Variants in VPS37A observed in about 807,000 individuals in gnomAD.
The protein encoded by VPS37A is vacuolar protein sorting-associated protein 37A.
VPS37A carries 30 observed loss-of-function variants against 49.8 expected under a neutral mutation model. The ratio of observed to expected loss-of-function variants is 0.60; its 90% confidence interval spans 0.45 to 0.82. The LOEUF is 0.82. VPS37A is among the 40% of genes least tolerant of loss of function. The pLI is 0.00. For synonymous variants in VPS37A, 195 were observed against 160.6 expected (o/e 1.21, Z -1.62); for missense variants, 593 against 464.4 (o/e 1.28, Z -2.55).
chr8:17,331,166 CA>C, the VPS37A span: 1 of 1,610,970 alleles, frequency 6.2e-7, no homozygotes. Flanking sequence ...GCATTTTCTG[CA>C]GACTGTTCCT....
chr8:17,329,559 T>C, the VPS37A span, among the ~76,000 whole-genome samples: 3 of 152,224 alleles, frequency 2.0e-5, no homozygotes, highest in Admixed American at 6.5e-5. Flanking sequence ...CAAATGTGTA[T>C]GCTATCAGCA....
intron 1 of VPS37A, among the ~76,000 whole-genome samples, chr8:17,248,834 AT>A (rs1417063825): frequency 3.9e-5 from 6 of 152,224 alleles, no homozygotes; most frequent in Admixed American, 6.5e-5. Context: ...ACAGAAAAGA[AT>A]GGCAGGCTGT....
At position 17,295,591 on chromosome 8, in the gene VPS37A, C is replaced by G. The variant is rs192470698; in HGVS notation, c.*605C>G. The stretch of plus-strand genomic sequence containing the variant: ...CTTATATATTGTTTCATTTTTAAAA[C>G]TAAAGATGCATTTAAGAAGCAATAC... On this transcript the variant is annotated 3_prime_UTR_variant, in exon 12 of 12. Coordinates refer to ENST00000324849, the MANE Select transcript of VPS37A (RefSeq NM_152415.3). The G allele has an allele frequency of 3.3e-5, 5 of 152,250 alleles. No homozygotes were observed. Among genetic ancestry groups the G allele is most frequent in the Admixed American group, 1.3e-4 (2 of 15,268 alleles). The allele number at this position is 152,250 out of a possible 1,614,324, so 9.4% of individuals were successfully genotyped here. A position where few individuals can be genotyped will look rare whatever the true frequency, so the allele number is the denominator to read the frequency against.
At chr8:17,294,502 T>C (rs997123209) in intron 11 of VPS37A, among the ~76,000 whole-genome samples, 2 of 152,054 alleles carry the variant, frequency 1.3e-5, no homozygotes, top group African/African-American at 4.8e-5. Flanking sequence ...CGAAAAAAAA[T>C]TCCTGCAGCT....
At position 17,247,007 on chromosome 8, in the gene VPS37A, A is replaced by G; in HGVS notation, c.-238A>G. The G allele has an allele frequency of 1.8e-6, 1 of 556,514 alleles. No individual in the cohort carries two copies. Among genetic ancestry groups the G allele is most frequent in the African/African-American group, 1.9e-5 (1 of 51,714 alleles). The allele number at this position is 556,514 out of a possible 1,614,324, so 34.5% of individuals were successfully genotyped here. Reference sequence around the variant, plus strand: ...GGCCGGTTTGGGCGTCTGGGCCGTGAAGGTGGGACCTCCTGTTCCGGGCCG... The same window carrying G: ...GGCCGGTTTGGGCGTCTGGGCCGTGGAGGTGGGACCTCCTGTTCCGGGCCG... On this transcript the variant is annotated 5_prime_UTR_variant, in exon 1 of 12. Transcript: ENST00000324849.
rs551852499 is a variant in VPS37A at position 17,253,188 on chromosome 8, C to A, written c.125+5819C>A. On this transcript the variant is annotated intron_variant, in intron 1 of 11. Coordinates refer to ENST00000324849, the MANE Select transcript of VPS37A (RefSeq NM_152415.3). The stretch of plus-strand genomic sequence containing the variant: ...AAATCAGCTACATCTGCCCCTCCCC[C>A]CAACCTGAACTCCTTCCAAACCATT... Among the ~76,000 whole-genome samples the A allele has an allele frequency of 4.9e-4, 74 of 152,318 alleles. 1 individual carries two copies. In the South Asian group the frequency reaches 0.013, roughly 26 times the overall value.
At chr8:17,316,602 G>A in the VPS37A span, among the ~76,000 whole-genome samples, 4 of 151,800 alleles carry the variant, frequency 2.6e-5, no homozygotes, top group African/African-American at 7.3e-5. Flanking sequence ...CTGTATTCTC[G>A]GGTTCCACAT....
chr8:17,313,257 C>G, the VPS37A span: 1 of 1,505,998 alleles, frequency 6.6e-7, no homozygotes, highest in Non-Finnish European at 9.2e-7. Context: ...GTTTGCTCAT[C>G]TGTCCCTTAA....
At chr8:17,255,492 A>ATGTGTG (rs138387332) in intron 1 of VPS37A, among the ~76,000 whole-genome samples, 301 of 150,990 alleles carry the variant, frequency 2.0e-3, no homozygotes, top group East Asian at 6.9e-3. Flanking sequence ...AAATATATAT[A>ATGTGTG]TGTGTGTGTG....
chr8:17,330,141 A>T, the VPS37A span, among the ~76,000 whole-genome samples: 1 of 152,244 alleles, frequency 6.6e-6, no homozygotes, highest in Non-Finnish European at 1.5e-5. Flanking sequence ...CCTGTTTGTG[A>T]CACTCAGATT....
chr8:17,265,912 C>A lies in VPS37A; in HGVS notation c.131C>A (p.Ala44Asp), dbSNP rs146772515. 1.4e-5 allele frequency: 23 copies of A among 1,613,256 alleles called. No homozygotes were observed. The highest frequency in any genetic ancestry group is 1.9e-5 in the Non-Finnish European group (22 of 1,179,586). The change falls in exon 2 of 12, where the codon GCC becomes GAC. Residue 44 changes from alanine (A) to aspartate (D), a missense_variant. Physicochemically the swap from Ala to Asp is moderately radical, Grantham distance 126. Coordinates refer to ENST00000324849, the MANE Select transcript of VPS37A (RefSeq NM_152415.3). ...TTTAAAATTTTCTCCTGCAGTATAG[C>A]CGAAATACAGAAAGATGTGGAATAC... ...ESLRNSHSSIAEIQKDVEYRL... is the reference protein window; with the variant it reads ...ESLRNSHSSIDEIQKDVEYRL...
At chr8:17,312,043 A>G in the VPS37A span, among the ~76,000 whole-genome samples, 1 of 152,198 alleles carries the variant, frequency 6.6e-6, no homozygotes, top group African/African-American at 2.4e-5. Flanking sequence ...TTACAGACCT[A>G]TGAAGTTATA....
At chr8:17,268,680 A>G (rs1350107859) in intron 3 of VPS37A, among the ~76,000 whole-genome samples, 176 bp from the exon 4 acceptor site, 1 of 152,184 alleles carries the variant, frequency 6.6e-6, no homozygotes, top group Non-Finnish European at 1.5e-5. Context: ...TAATCACCAG[A>G]TATTTATGGT....
intron 1 of VPS37A, among the ~76,000 whole-genome samples, chr8:17,259,760 G>T (rs927218472): frequency 5.3e-5 from 8 of 152,008 alleles, no homozygotes; most frequent in African/African-American, 1.9e-4. Context: ...CTGGTTTTGG[G>T]TGCATAGATA....
At position 17,276,465 on chromosome 8, in the gene VPS37A, A is replaced by G; in HGVS notation, c.711A>G (p.Leu237=). 6.2e-7 allele frequency: 1 copy of G among 1,608,736 alleles called. No homozygotes were observed. The highest frequency in any genetic ancestry group is 8.5e-7 in the Non-Finnish European group (1 of 1,177,780). The part of the protein sequence containing the change: ...VPDAFPELSE[L]SVSQLTDMNE... The stretch of plus-strand genomic sequence containing the variant: ...ATGCATTTCCAGAACTCTCAGAACT[A>G]AGGTAAACCTGGAAAGTAAAGTTGG... Residue 237 remains leucine, a splice_region_variant and synonymous_variant, in exon 6 of 12, where the codon CTA becomes CTG. Transcript: ENST00000324849.
At chr8:17,306,018 A>AC, downstream of VPS37A, 1 of 1,396,532 alleles carries the variant, frequency 7.2e-7, no homozygotes, top group Non-Finnish European at 9.8e-7. Context: ...ACAAAGCCAT[A>AC]AATGCAAAAA....
At chr8:17,304,643 C>T, downstream of VPS37A, 1 of 935,938 alleles carries the variant, frequency 1.1e-6, no homozygotes. Context: ...TGTTCGATAG[C>T]AGGTAAATGT....
At chr8:17,252,933 C>T (rs777658019) in intron 1 of VPS37A, among the ~76,000 whole-genome samples, 10 of 152,088 alleles carry the variant, frequency 6.6e-5, no homozygotes, top group South Asian at 2.1e-4. Flanking sequence ...TAAAATTATG[C>T]GTATCAATCC....
At chr8:17,313,875 T>C in the VPS37A span, among the ~76,000 whole-genome samples, 1,077 of 152,292 alleles carry the variant, frequency 7.1e-3, 26 homozygotes, top group African/African-American at 0.025. Context: ...AGAGCGATCC[T>C]AAATTTCTTA....
Sources: allele counts gnomAD v4.1 joint callset (sites outside exome capture counted in the v4.1 genomes callset), GRCh38; gene constraint gnomAD v4.1.1; transcripts MANE v1.5; gene names NCBI Gene and HGNC (gene_info 2026-07-23, HGNC 2026-07-21).